Variants in ZBTB38 observed in about 807,000 individuals in gnomAD.
The protein encoded by ZBTB38 is zinc finger and BTB domain containing 38.
Under a neutral mutation model 76.8 loss-of-function variants are expected in ZBTB38, and 20 were observed. That is an observed-to-expected ratio of 0.26 (90% CI 0.18 to 0.38). The LOEUF is 0.38. Ranked by LOEUF, ZBTB38 falls within the 10% of genes least tolerant of loss-of-function variation. ZBTB38 has a pLI of 1.00. For synonymous variants in ZBTB38, 504 were observed against 544.2 expected, an observed-to-expected ratio of 0.93 and a Z score of 1.03; for missense variants, 1,082 against 1,482.3, an observed-to-expected ratio of 0.73 and a Z score of 4.43.
At chr3:141,402,016 C>T (rs1485573878) in intron 4 of ZBTB38, among the ~76,000 whole-genome samples, 1 of 152,228 alleles carries the variant, frequency 6.6e-6, no homozygotes, top group Admixed American at 6.5e-5. Flanking sequence ...TTCTGCGGCC[C>T]GAGGCCTTGT....
intron 2 of ZBTB38, among the ~76,000 whole-genome samples, chr3:141,372,104 C>G (rs1944696381): frequency 6.6e-6 from 1 of 152,224 alleles, no homozygotes; most frequent in Non-Finnish European, 1.5e-5. Context: ...ATACCTGTTA[C>G]TGGCCAATTT....
At chr3:141,334,940 TC>T (rs1942974620) in intron 1 of ZBTB38, among the ~76,000 whole-genome samples, 1 of 152,196 alleles carries the variant, frequency 6.6e-6, no homozygotes, top group East Asian at 1.9e-4. Context: ...AGATCTCTGG[TC>T]CTTAAACTTG....
chr3:141,375,823 G>A (rs1323680723), intron 2 of ZBTB38, among the ~76,000 whole-genome samples: 1 of 152,202 alleles, frequency 6.6e-6, no homozygotes, highest in Non-Finnish European at 1.5e-5. Context: ...CTCACAGTCA[G>A]GGGAGGTACC....
intron 4 of ZBTB38, among the ~76,000 whole-genome samples, chr3:141,392,232 C>G (rs577416218): frequency 1.3e-5 from 2 of 152,276 alleles, no homozygotes; most frequent in East Asian, 3.9e-4. Context: ...TGTTCGGTTC[C>G]TTTGTAGTAG....
At chr3:141,435,917 A>G (rs2078677324) in intron 5 of ZBTB38, among the ~76,000 whole-genome samples, 1 of 152,236 alleles carries the variant, frequency 6.6e-6, no homozygotes, top group Non-Finnish European at 1.5e-5. Flanking sequence ...TTTCATATCT[A>G]GAATATTTTT....
rs1040380432 is a variant in ZBTB38 at position 141,447,787 on chromosome 3, G to A, written c.*1811G>A. The A allele has an allele frequency of 2.6e-5, 4 of 152,348 alleles. No individual in the cohort carries two copies. The highest frequency in any genetic ancestry group is 9.7e-5 in the African/African-American group (4 of 41,426). 9.4% of individuals were successfully genotyped at this position (152,348 alleles called of 1,614,324 possible). A position where few individuals can be genotyped will look rare whatever the true frequency, so the allele number is the denominator to read the frequency against. Reference sequence around the variant, plus strand: ...AGAAAGCATTTAAACGCCCAGGAAAGGACATGATTAAAGTTGACCTTTTAA... The same window carrying A: ...AGAAAGCATTTAAACGCCCAGGAAAAGACATGATTAAAGTTGACCTTTTAA... On this transcript the variant is annotated 3_prime_UTR_variant, in exon 6 of 6. Transcript: ENST00000321464.
chr3:141,383,598 G>A (rs1946509662), intron 3 of ZBTB38: 5 of 152,308 alleles, frequency 3.3e-5, no homozygotes. Context: ...AGAGAGTCAA[G>A]CTTTGTTCAT....
intron 1 of ZBTB38, among the ~76,000 whole-genome samples, chr3:141,341,360 C>T (rs1036905611): frequency 2.6e-5 from 4 of 152,208 alleles, no homozygotes; most frequent in Admixed American, 1.3e-4. Flanking sequence ...ATACAATACA[C>T]ATGACTGTAT....
chr3:141,440,076 C>A (rs927733531), intron 5 of ZBTB38, among the ~76,000 whole-genome samples: 6 of 152,118 alleles, frequency 3.9e-5, no homozygotes, highest in Admixed American at 3.3e-4. Context: ...TAGAAATAAT[C>A]CCCCATACTT....
intron 1 of ZBTB38, among the ~76,000 whole-genome samples, chr3:141,356,117 A>G (rs553548174): frequency 1.3e-5 from 2 of 152,192 alleles, no homozygotes; most frequent in South Asian, 4.1e-4. Flanking sequence ...TGCATTAACA[A>G]AGGCGATGTG....
At chr3:141,377,553 TA>T (rs1945563332) in intron 2 of ZBTB38, among the ~76,000 whole-genome samples, 1 of 152,190 alleles carries the variant, frequency 6.6e-6, no homozygotes, top group Non-Finnish European at 1.5e-5. Context: ...CAGTTTCTTA[TA>T]AAAGTTAAAC....
At chr3:141,421,275 TCTC>T (rs1353678803) in intron 5 of ZBTB38, among the ~76,000 whole-genome samples, 9 of 147,600 alleles carry the variant, frequency 6.1e-5, no homozygotes, top group South Asian at 4.4e-4. Context: ...TAGAAACTTC[TCTC>T]TTTTTTTTTT....
intron 5 of ZBTB38, among the ~76,000 whole-genome samples, chr3:141,424,902 G>A (rs1168579299): frequency 6.6e-6 from 1 of 152,190 alleles, no homozygotes; most frequent in Non-Finnish European, 1.5e-5. Flanking sequence ...ATTGGTAATA[G>A]TAATAATAAT....
intron 5 of ZBTB38, among the ~76,000 whole-genome samples, chr3:141,405,172 A>G (rs1953930428): frequency 6.6e-6 from 1 of 152,220 alleles, no homozygotes; most frequent in Non-Finnish European, 1.5e-5. Context: ...AAGACCAGAC[A>G]GATTTGTTTT....
intron 5 of ZBTB38, among the ~76,000 whole-genome samples, chr3:141,437,640 A>C (rs1049150558): frequency 6.6e-6 from 1 of 152,242 alleles, no homozygotes. Flanking sequence ...TTTGATAATT[A>C]TATGTATGTA....
At chr3:141,376,103 C>T (rs746355912) in intron 2 of ZBTB38, among the ~76,000 whole-genome samples, 1 of 152,232 alleles carries the variant, frequency 6.6e-6, no homozygotes, top group South Asian at 2.1e-4. Context: ...CCACTGATCA[C>T]CTGACAGTGT....
chr3:141,347,739 G>C (rs912521489), intron 1 of ZBTB38, among the ~76,000 whole-genome samples: 3 of 152,248 alleles, frequency 2.0e-5, no homozygotes, highest in African/African-American at 7.2e-5. Context: ...CCTGGCTCCA[G>C]TTCCTGCCAG....
At chr3:141,336,929 A>C (rs1174427875) in intron 1 of ZBTB38, among the ~76,000 whole-genome samples, 1 of 152,338 alleles carries the variant, frequency 6.6e-6, no homozygotes, top group Non-Finnish European at 1.5e-5. Flanking sequence ...AAATTCCTTC[A>C]TTTTACTTCA....
intron 1 of ZBTB38, among the ~76,000 whole-genome samples, chr3:141,343,203 A>G (rs1187307383): frequency 1.3e-5 from 2 of 152,196 alleles, no homozygotes; most frequent in Non-Finnish European, 2.9e-5. Context: ...CAGGAAAGCC[A>G]TCTGGGGTAA....
Sources: gnomAD v4.1 joint callset for allele counts (sites outside exome capture counted in the v4.1 genomes callset) on GRCh38, gnomAD v4.1.1 for gene constraint, MANE v1.5 for transcripts, NCBI Gene and HGNC (gene_info 2026-07-23, HGNC 2026-07-21) for gene names.